Variants in RETREG1 observed in about 807,000 individuals in gnomAD.
RETREG1 encodes the protein reticulophagy regulator 1, also known as family with sequence similarity 134 member B.
A neutral mutation model predicts 54.8 loss-of-function variants in RETREG1; 44 were observed. The ratio of observed to expected loss-of-function variants is 0.80; its 90% CI spans 0.63 to 1.03. The LOEUF (loss-of-function observed/expected upper bound fraction) is 1.03, where lower values mean the gene tolerates loss of function less well. Ranked by LOEUF, RETREG1 falls within the 50% of genes least tolerant of loss-of-function variation. The probability of loss-of-function intolerance (pLI) is 0.00; values close to 1 mark genes in which losing one functional copy is unlikely to be tolerated. For missense variants in RETREG1, 554 were observed against 605.1 expected (o/e 0.92, Z 0.89); for synonymous variants, 217 against 238.5 (o/e 0.91, Z 0.83).
chr5:16,537,620 G>C (rs182806388), intron 3 of RETREG1, among the ~76,000 whole-genome samples: 206 of 152,286 alleles, frequency 1.4e-3, no homozygotes, highest in African/African-American at 4.8e-3. Flanking sequence ...ATCGCTTGAA[G>C]CCAGGAGGCA....
intron 1 of RETREG1, among the ~76,000 whole-genome samples, chr5:16,612,262 G>C (rs942191290): frequency 1.3e-5 from 2 of 152,086 alleles, no homozygotes; most frequent in Non-Finnish European, 2.9e-5. Flanking sequence ...GGTTACACAG[G>C]CACATATGAT....
At chr5:16,498,107 A>C (rs1739542855) in intron 3 of RETREG1, among the ~76,000 whole-genome samples, 1 of 152,244 alleles carries the variant, frequency 6.6e-6, no homozygotes, top group Non-Finnish European at 1.5e-5. Context: ...TTCCAAAAGG[A>C]AGTTTTCACA....
At chr5:16,565,413 A>T (rs2126628652) in intron 3 of RETREG1, among the ~76,000 whole-genome samples, 1 of 152,310 alleles carries the variant, frequency 6.6e-6, no homozygotes, top group East Asian at 1.9e-4. Context: ...GAGTGCATGC[A>T]GCCCTGTTCT....
intron 3 of RETREG1, among the ~76,000 whole-genome samples, chr5:16,524,229 G>T (rs571163517): frequency 6.6e-6 from 1 of 152,180 alleles, no homozygotes; most frequent in Admixed American, 6.5e-5. Context: ...GAGACAAGGC[G>T]ACACATGTGC....
At chr5:16,533,318 C>T (rs1579656963) in intron 3 of RETREG1, among the ~76,000 whole-genome samples, 1 of 152,224 alleles carries the variant, frequency 6.6e-6, no homozygotes, top group African/African-American at 2.4e-5. Context: ...GCTGGGATTA[C>T]AGGCGTGAGC....
intron 2 of RETREG1, among the ~76,000 whole-genome samples, chr5:16,569,685 C>G (rs1305691323): frequency 1.3e-5 from 2 of 152,186 alleles, no homozygotes; most frequent in Non-Finnish European, 2.9e-5. Flanking sequence ...TGACTCATAG[C>G]TCACAAAGAT....
rs778314268 is a variant in RETREG1, at chr5:16,565,954, C to T, written c.428-161G>A. 1.7e-4 allele frequency among the ~76,000 whole-genome samples: 26 copies of T among 152,220 alleles called. 1 individual carries two copies. Among genetic ancestry groups the T allele is most frequent in the Admixed American group, 1.4e-3 (22 of 15,280 alleles). On this transcript the variant is annotated intron_variant, in intron 2 of 8. Coordinates refer to ENST00000306320, the MANE Select transcript of RETREG1 (RefSeq NM_001034850.3). ...ACAGTGTACACTGCTGGCACCATGG[C>T]TAATTCAGGCAATTCGTCCACATAT...
intron 3 of RETREG1, among the ~76,000 whole-genome samples, chr5:16,507,242 T>C (rs1739995072): frequency 6.6e-6 from 1 of 152,318 alleles, no homozygotes; most frequent in South Asian, 2.1e-4. Flanking sequence ...ACATATCAAA[T>C]AGCTTATCAA....
intron 3 of RETREG1, among the ~76,000 whole-genome samples, chr5:16,500,700 C>G (rs1259664701): frequency 6.6e-6 from 1 of 152,314 alleles, no homozygotes; most frequent in East Asian, 1.9e-4. Context: ...ACTGGGCAGA[C>G]ATCCTTGCTT....
At chr5:16,570,547 G>A (rs993810329) in intron 2 of RETREG1, among the ~76,000 whole-genome samples, 1 of 151,990 alleles carries the variant, frequency 6.6e-6, no homozygotes, top group Non-Finnish European at 1.5e-5. Flanking sequence ...TAAAATGGTT[G>A]CAGATAAAAT....
At chr5:16,588,361 G>A (rs1161866302) in intron 1 of RETREG1, among the ~76,000 whole-genome samples, 1 of 152,110 alleles carries the variant, frequency 6.6e-6, no homozygotes, top group Non-Finnish European at 1.5e-5. Flanking sequence ...TTGAATCAGG[G>A]CCCACCCATG....
At chr5:16,611,016 T>A (rs1305328848) in intron 1 of RETREG1, among the ~76,000 whole-genome samples, 1 of 152,106 alleles carries the variant, frequency 6.6e-6, no homozygotes, top group African/African-American at 2.4e-5. Context: ...CAAATGCCCA[T>A]CAATGATAGA....
At chr5:16,595,178 T>C (rs942814641) in intron 1 of RETREG1, among the ~76,000 whole-genome samples, 1 of 152,214 alleles carries the variant, frequency 6.6e-6, no homozygotes. Context: ...ATGCGCAGTC[T>C]TGTACACGAG....
rs940996379 is a variant in RETREG1 at position 16,594,728 on chromosome 5, CA to C, written c.320+21923del. Among the ~76,000 whole-genome samples the C allele has an allele frequency of 6.6e-5, 10 of 152,114 alleles. No individual in the cohort carries two copies. Among genetic ancestry groups the C allele is most frequent in the African/African-American group, 2.4e-4 (10 of 41,538 alleles). On this transcript the variant is annotated intron_variant, in intron 1 of 8. Transcript: ENST00000306320. The surrounding 1 kb of genome is among the most constrained non-coding windows in gnomAD (Gnocchi z 4.4). The stretch of plus-strand genomic sequence containing the variant: ...CAACAGAGCAAGACTCCAAAAAAAA[CA>C]AAAAACAAAACACAACCACACAAAG...
At chr5:16,563,204 A>G (rs534647807) in intron 3 of RETREG1, among the ~76,000 whole-genome samples, 125 of 152,234 alleles carry the variant, frequency 8.2e-4, no homozygotes, top group Non-Finnish European at 1.5e-3. Context: ...GTTAGCAGGA[A>G]TCACTCCTCA....
At chr5:16,539,143 T>G (rs968293911) in intron 3 of RETREG1, among the ~76,000 whole-genome samples, 4 of 152,120 alleles carry the variant, frequency 2.6e-5, no homozygotes, top group Admixed American at 6.5e-5. Context: ...CATTTCCCTG[T>G]GAAGGGCCAG....
intron 3 of RETREG1, among the ~76,000 whole-genome samples, chr5:16,492,671 T>A (rs1035884635): frequency 8.5e-5 from 13 of 152,210 alleles, no homozygotes; most frequent in Non-Finnish European, 1.6e-4. Flanking sequence ...GGTCAGTCAG[T>A]ATCTGGTTAC....
chr5:16,503,573 G>A (rs1290205340), intron 3 of RETREG1, among the ~76,000 whole-genome samples: 1 of 150,942 alleles, frequency 6.6e-6, no homozygotes, highest in Non-Finnish European at 1.5e-5. Flanking sequence ...GGAGGCTGAG[G>A]CAGAGAACTG....
intron 3 of RETREG1, among the ~76,000 whole-genome samples, chr5:16,540,840 C>T (rs1200416388): frequency 6.6e-6 from 1 of 152,182 alleles, no homozygotes. Context: ...TAATTTCTCC[C>T]ATGCATCTTT....
Sources: allele counts gnomAD v4.1 joint callset (sites outside exome capture counted in the v4.1 genomes callset), GRCh38; gene constraint gnomAD v4.1.1; non-coding constraint Gnocchi (gnomAD v3.1); transcripts MANE v1.5; gene names NCBI Gene and HGNC (gene_info 2026-07-23, HGNC 2026-07-21).